Variants in PDE1C observed in about 807,000 individuals in gnomAD.
PDE1C encodes the protein dual specificity calcium/calmodulin-dependent 3',5'-cyclic nucleotide phosphodiesterase 1C.
A neutral mutation model predicts 93.1 loss-of-function variants in PDE1C; 62 were observed. That is an observed-to-expected ratio of 0.67 (90% CI 0.54 to 0.82). The LOEUF (loss-of-function observed/expected upper bound fraction) is 0.82. Among genes scored for constraint, PDE1C ranks in the 40% least tolerant of loss-of-function variants. The pLI is 0.00. For missense variants in PDE1C, 742 were observed against 884.6 expected (o/e 0.84, Z 2.04); for synonymous variants, 325 against 310.1 (o/e 1.05, Z -0.50).
chr7:31,945,793 T>G (rs934394811), intron 2 of PDE1C, among the ~76,000 whole-genome samples: 1 of 152,212 alleles, frequency 6.6e-6, no homozygotes, highest in African/African-American at 2.4e-5. Flanking sequence ...CCTTCAGAAT[T>G]CCAATATTGC....
At chr7:31,974,236 CA>C (rs1811341357) in intron 2 of PDE1C, among the ~76,000 whole-genome samples, 1 of 152,096 alleles carries the variant, frequency 6.6e-6, no homozygotes, top group Non-Finnish European at 1.5e-5. Flanking sequence ...TGATTTTTAT[CA>C]GGACAGATAA....
At chr7:31,761,211 AAAT>A (rs765512261) in intron 17 of PDE1C, among the ~76,000 whole-genome samples, 4 of 147,406 alleles carry the variant, frequency 2.7e-5, no homozygotes, top group Non-Finnish European at 6.0e-5. Context: ...CCCATATCTA[AAAT>A]AATCTTGTAC....
intron 14 of PDE1C, among the ~76,000 whole-genome samples, chr7:31,818,827 A>ACC (rs1422238533): frequency 6.6e-6 from 1 of 152,124 alleles, no homozygotes; most frequent in African/African-American, 2.4e-5. Context: ...ATTCAAAATA[A>ACC]CCCCAAGTTG....
At chr7:32,254,318 C>G (rs1283417892) in intron 1 of PDE1C, among the ~76,000 whole-genome samples, 1 of 152,154 alleles carries the variant, frequency 6.6e-6, no homozygotes, top group Non-Finnish European at 1.5e-5. Flanking sequence ...ATTTGACTTG[C>G]TACTATGACC....
At chr7:32,224,513 T>C (rs1445884745) in intron 1 of PDE1C, among the ~76,000 whole-genome samples, 1 of 152,176 alleles carries the variant, frequency 6.6e-6, no homozygotes, top group African/African-American at 2.4e-5. Flanking sequence ...GTTGTCAGGA[T>C]GAGGGATAAA....
the PDE1C span, among the ~76,000 whole-genome samples, chr7:31,690,904 A>G: frequency 5.6e-4 from 85 of 152,266 alleles, 1 homozygote; most frequent in African/African-American, 1.7e-3. Context: ...GGTAATTTTC[A>G]ACATAATATG....
chr7:32,249,999 T>C (rs540055084), intron 1 of PDE1C, among the ~76,000 whole-genome samples: 3 of 152,188 alleles, frequency 2.0e-5, no homozygotes, highest in Admixed American at 6.5e-5. Context: ...AAATTCAGGA[T>C]ATACAGTTAA....
chr7:31,861,196 A>C (rs1794654436), intron 7 of PDE1C, among the ~76,000 whole-genome samples: 1 of 151,978 alleles, frequency 6.6e-6, no homozygotes, highest in African/African-American at 2.4e-5. Context: ...TTCTCTTTCC[A>C]TGGCTTCCAT....
In PDE1C at chr7:31,911,783, TC is replaced by T. The variant is rs1425868014; in HGVS notation, c.129-30924del. Among the ~76,000 whole-genome samples the T allele has an allele frequency of 3.3e-5, 5 of 152,196 alleles. No individual in the cohort carries two copies. The East Asian group carries it at 5.8e-4, about 18-fold the overall frequency. ...GAGGCTGAGAGAAGGTAAATAAATT[TC>T]CCCCAAGTCAGTTAGAAAATCTGTG... On this transcript the variant is annotated intron_variant, in intron 2 of 17. Transcript: ENST00000396191.
At chr7:32,180,328 T>C (rs1273510623) in intron 2 of PDE1C, among the ~76,000 whole-genome samples, 4 of 152,168 alleles carry the variant, frequency 2.6e-5, no homozygotes, top group Non-Finnish European at 5.9e-5. Flanking sequence ...AGAATAAAAT[T>C]TGATCTGTGA....
intron 2 of PDE1C, among the ~76,000 whole-genome samples, chr7:31,898,375 C>T (rs1356995393): frequency 6.6e-6 from 1 of 151,994 alleles, no homozygotes; most frequent in Non-Finnish European, 1.5e-5. Flanking sequence ...AGAGTTTAAA[C>T]TTCTCTACAA....
At chr7:31,877,486 A>G (rs1182492388) in intron 5 of PDE1C, among the ~76,000 whole-genome samples, 1 of 151,978 alleles carries the variant, frequency 6.6e-6, no homozygotes, top group East Asian at 1.9e-4. Flanking sequence ...AGAGCTTACC[A>G]TGTGCTGAAA....
chr7:32,212,025 CAA>C (rs35827566), intron 1 of PDE1C, among the ~76,000 whole-genome samples: 13,520 of 81,014 alleles, frequency 0.17, 528 homozygotes, highest in Middle Eastern at 0.19. Flanking sequence ...GAACCTATCT[CAA>C]AAAAAAAAAA....
chr7:31,837,352 A>G (rs756008146), intron 10 of PDE1C, 52 bp from the exon 11 acceptor site: 2 of 1,474,856 alleles, frequency 1.4e-6, no homozygotes, highest in Admixed American at 2.3e-5. Flanking sequence ...TCAGAACCTC[A>G]GTAAGAGTTT....
At chr7:31,653,103 G>T in the PDE1C span, 1 of 633,850 alleles carries the variant, frequency 1.6e-6, no homozygotes, top group Non-Finnish European at 2.3e-6. Flanking sequence ...TTACAGTGTA[G>T]TGGGGGAGAT....
intron 1 of PDE1C, among the ~76,000 whole-genome samples, chr7:32,241,025 G>C (rs1229277076): frequency 2.0e-5 from 3 of 152,166 alleles, no homozygotes; most frequent in African/African-American, 7.2e-5. Flanking sequence ...TGCAAGAACG[G>C]AGATGCCATT....
At chr7:32,368,447 G>A (rs73306170) in intron 1 of PDE1C, among the ~76,000 whole-genome samples, 1 of 151,932 alleles carries the variant, frequency 6.6e-6, no homozygotes, top group Non-Finnish European at 1.5e-5. Flanking sequence ...AAGGAACCAA[G>A]GAAGTGAAAG....
chr7:31,641,168 A>G, the PDE1C span, among the ~76,000 whole-genome samples: 1 of 152,218 alleles, frequency 6.6e-6, no homozygotes, highest in African/African-American at 2.4e-5. Flanking sequence ...GGTGAGGTCC[A>G]GCAGAGATCT....
intron 1 of PDE1C, among the ~76,000 whole-genome samples, chr7:32,280,702 A>G (rs768031714): frequency 6.6e-6 from 1 of 152,340 alleles, no homozygotes; most frequent in East Asian, 1.9e-4. Context: ...AAGTCCATCA[A>G]GAATAAAAAT....
Sources: gnomAD v4.1 joint callset for allele counts (sites outside exome capture counted in the v4.1 genomes callset) on GRCh38, gnomAD v4.1.1 for gene constraint, MANE v1.5 for transcripts, NCBI Gene and HGNC (gene_info 2026-07-23, HGNC 2026-07-21) for gene names.